Variants in MYO1D observed in about 807,000 individuals in gnomAD.
MYO1D encodes unconventional myosin-Id.
In MYO1D, 83 loss-of-function variants were observed where a neutral mutation model predicts 122.0. The ratio of observed to expected loss-of-function variants is 0.68; its 90% CI spans 0.57 to 0.82. The LOEUF is 0.82. Among genes scored for constraint, MYO1D ranks in the 40% least tolerant of loss-of-function variants. The pLI is 0.00. For synonymous variants in MYO1D, 464 were observed against 446.9 expected (o/e 1.04, Z -0.48); for missense variants, 1,157 against 1,269.5 (o/e 0.91, Z 1.35).
chr17:32,714,689 T>A (rs1389714301), intron 15 of MYO1D, among the ~76,000 whole-genome samples: 1 of 152,140 alleles, frequency 6.6e-6, no homozygotes, highest in African/African-American at 2.4e-5. Flanking sequence ...GATTAAAGAC[T>A]TAAATGTAAA....
At chr17:32,715,530 A>C (rs1185603658) in intron 15 of MYO1D, among the ~76,000 whole-genome samples, 1 of 151,994 alleles carries the variant, frequency 6.6e-6, no homozygotes, top group African/African-American at 2.4e-5. Flanking sequence ...TCTGGCTACT[A>C]CTATACCCCC....
intron 14 of MYO1D, among the ~76,000 whole-genome samples, chr17:32,735,081 A>C (rs1395003198): frequency 1.4e-5 from 2 of 138,032 alleles, no homozygotes; most frequent in Admixed American, 7.2e-5. Flanking sequence ...ATTCCATCTG[A>C]ACACACACAC....
At chr17:32,816,685 G>C (rs1163968304) in intron 1 of MYO1D, among the ~76,000 whole-genome samples, 1 of 152,086 alleles carries the variant, frequency 6.6e-6, no homozygotes, top group Non-Finnish European at 1.5e-5. Flanking sequence ...AGTAAATCCT[G>C]AGTTACTTCA....
chr17:32,818,557 G>C (rs759625492), intron 1 of MYO1D, among the ~76,000 whole-genome samples: 2 of 152,216 alleles, frequency 1.3e-5, no homozygotes, highest in Non-Finnish European at 1.5e-5. Context: ...CTGAGAGAGA[G>C]ACCAATGGGG....
chr17:32,688,949 A>G (rs548975204), intron 16 of MYO1D, among the ~76,000 whole-genome samples: 66 of 141,052 alleles, frequency 4.7e-4, no homozygotes, highest in Admixed American at 1.9e-3. Context: ...GTGTGTGTGT[A>G]TGTGTGTATG....
chr17:32,736,869 A>T (rs2151001823), intron 14 of MYO1D, among the ~76,000 whole-genome samples: 1 of 152,328 alleles, frequency 6.6e-6, no homozygotes, highest in East Asian at 1.9e-4. Context: ...ATGCAAAGAA[A>T]AGCTGAGATA....
At chr17:32,680,854 G>T (rs975836560) in intron 16 of MYO1D, among the ~76,000 whole-genome samples, 2 of 152,098 alleles carry the variant, frequency 1.3e-5, no homozygotes, top group African/African-American at 4.8e-5. Context: ...ACCTCTGGTA[G>T]AATTCGGCTG....
chr17:32,666,629 G>C (rs1473382389), intron 16 of MYO1D, among the ~76,000 whole-genome samples: 1 of 152,178 alleles, frequency 6.6e-6, no homozygotes, highest in Non-Finnish European at 1.5e-5. Context: ...AAGAAGTAGG[G>C]CAATTATGTA....
At chr17:32,668,180 A>G (rs1354659296) in intron 16 of MYO1D, among the ~76,000 whole-genome samples, 3 of 152,228 alleles carry the variant, frequency 2.0e-5, no homozygotes, top group Non-Finnish European at 2.9e-5. Context: ...AAGACTATCT[A>G]AACTGCATTT....
intron 19 of MYO1D, among the ~76,000 whole-genome samples, chr17:32,647,043 A>G (rs747023334): frequency 6.6e-5 from 10 of 152,184 alleles, no homozygotes; most frequent in Admixed American, 1.3e-4. Context: ...AAAATCTTCA[A>G]CCAAAGAAAA....
chr17:32,872,429 C>G (rs1386621984), intron 1 of MYO1D, among the ~76,000 whole-genome samples: 1 of 152,090 alleles, frequency 6.6e-6, no homozygotes, highest in African/African-American at 2.4e-5. Context: ...CCCACCACCA[C>G]GCCTGGCTAA....
chr17:32,508,913 C>T (rs1258909089), intron 21 of MYO1D, among the ~76,000 whole-genome samples: 1 of 152,212 alleles, frequency 6.6e-6, no homozygotes, highest in Non-Finnish European at 1.5e-5. Context: ...TTTCATGTCC[C>T]TATCAACAGC....
chr17:32,573,264 T>C (rs1480006356), intron 21 of MYO1D, among the ~76,000 whole-genome samples: 1 of 152,218 alleles, frequency 6.6e-6, no homozygotes, highest in Non-Finnish European at 1.5e-5. Context: ...AATTGTTTTT[T>C]CTCTTCCATG....
At chr17:32,520,101 A>C (rs1357306682) in intron 21 of MYO1D, among the ~76,000 whole-genome samples, 1 of 152,142 alleles carries the variant, frequency 6.6e-6, no homozygotes, top group Non-Finnish European at 1.5e-5. Context: ...CAATCTGTGC[A>C]CCTTTTTCTT....
chr17:32,711,507 G>A (rs1216859672), intron 16 of MYO1D, among the ~76,000 whole-genome samples: 1 of 152,092 alleles, frequency 6.6e-6, no homozygotes, highest in Admixed American at 6.6e-5. Context: ...TTAGCCAGGT[G>A]TGGTGGTGTG....
intron 1 of MYO1D, among the ~76,000 whole-genome samples, chr17:32,839,552 G>A (rs1451532471): frequency 2.6e-5 from 4 of 152,178 alleles, no homozygotes; most frequent in Admixed American, 2.6e-4. Context: ...GAAACACTGT[G>A]AGCTGGAATA....
chr17:32,760,804 T>C (rs1327615958), intron 8 of MYO1D, among the ~76,000 whole-genome samples, 177 bp from the exon 9 acceptor site: 2 of 152,188 alleles, frequency 1.3e-5, no homozygotes, highest in African/African-American at 2.4e-5. Flanking sequence ...AACTACCTGA[T>C]GTATGCAAAA....
intron 21 of MYO1D, among the ~76,000 whole-genome samples, chr17:32,552,234 C>T (rs1011227954): frequency 2.6e-5 from 4 of 152,154 alleles, no homozygotes; most frequent in Admixed American, 2.0e-4. Flanking sequence ...CACTACCACA[C>T]CTGGCTAATT....
At chr17:32,784,135 C>A (rs934454466) in intron 1 of MYO1D, among the ~76,000 whole-genome samples, 21 of 152,342 alleles carry the variant, frequency 1.4e-4, no homozygotes, top group African/African-American at 3.8e-4. Context: ...CATACAGGGT[C>A]TGGCCTCCGG....
Sources: gnomAD v4.1 joint callset for allele counts (sites outside exome capture counted in the v4.1 genomes callset) on GRCh38, gnomAD v4.1.1 for gene constraint, MANE v1.5 for transcripts, NCBI Gene and HGNC (gene_info 2026-07-23, HGNC 2026-07-21) for gene names.